The following AK6 variants were observed in gnomAD, a reference collection of about 807,000 sequenced individuals.
AK6 encodes adenylate kinase isoenzyme 6.
In AK6, 24 loss-of-function variants were observed where a neutral mutation model predicts 23.7. That is an observed-to-expected ratio of 1.01 (90% CI 0.73 to 1.43). AK6 has a LOEUF of 1.43. Among genes scored for constraint, AK6 ranks in the 40% most tolerant of loss-of-function variants. The probability of loss-of-function intolerance (pLI) is 0.00; values close to 1 mark genes in which losing one functional copy is unlikely to be tolerated. For missense variants in AK6, 191 were observed against 199.1 expected, an observed-to-expected ratio of 0.96 and a Z score of 0.24; for synonymous variants, 73 against 69.8, an observed-to-expected ratio of 1.05 and a Z score of -0.23.
At position 69,355,566 on chromosome 5, in the gene AK6, C is replaced by A. The variant is rs562833126; in HGVS notation, c.326+83G>T. The A allele has an allele frequency of 3.6e-6, 5 of 1,383,960 alleles. No homozygotes were observed. The African/African-American group carries it at 7.3e-5, about 20-fold the overall frequency. 85.7% of individuals were successfully genotyped at this position (1,383,960 alleles called of 1,614,324 possible). A position where few individuals can be genotyped will look rare whatever the true frequency, so the allele number is the denominator to read the frequency against. On this transcript the variant is annotated intron_variant, in intron 4 of 4. Transcript: ENST00000380822. ...CAAAACAAAACAAAACAAACAACAA[C>A]AATCTTTTATCATGGCCAATTTCAG...
chr5:69,369,342 G>T, intron 1 of AK6, 121 bp downstream of exon 1: 1 of 1,086,198 alleles, frequency 9.2e-7, no homozygotes. Context: ...CAACCGCCTC[G>T]TGGCCCTCGG....
chr5:69,355,949 T>A lies in AK6; in HGVS notation c.126A>T (p.Gln42His), dbSNP rs374785925. The A allele has an allele frequency of 3.1e-6, 5 of 1,603,906 alleles. No individual in the cohort carries two copies. Among genetic ancestry groups the A allele is most frequent in the Non-Finnish European group, 4.2e-6 (5 of 1,177,286 alleles). Residue 42 changes from glutamine to histidine, a missense_variant, in exon 3 of 5, where the codon CAA (glutamine) becomes CAT (histidine). Coordinates refer to ENST00000380822, the MANE Select transcript of AK6 (RefSeq NM_016283.5). ...ACTCTTCATCATAGCCATCATACAA[T>A]TGCTCTAAAAGAGATTTAGAATTGC... is the stretch of plus-strand genomic sequence containing the variant. ...INVGDLAREE[Q>H]LYDGYDEEYD...
rs1561218339 is a variant in AK6, at chr5:69,363,335, C to T, written c.121+3168G>A. Reference sequence around the variant, plus strand: ...TCTGGTGTCACCATTGCTCTCAATGCTATTAATGCTCTAATTAGTTTAGAA... The same window carrying T: ...TCTGGTGTCACCATTGCTCTCAATGTTATTAATGCTCTAATTAGTTTAGAA... On this transcript the variant is annotated intron_variant, in intron 2 of 4. Transcript: ENST00000380822. Among the ~76,000 whole-genome samples, 4 of 152,226 alleles carry T rather than the reference C, an allele frequency of 2.6e-5. No homozygotes were observed. The East Asian group carries it at 5.8e-4, about 22-fold the overall frequency.
chr5:69,363,602 G>T (rs1406228214), intron 2 of AK6, among the ~76,000 whole-genome samples: 1 of 151,936 alleles, frequency 6.6e-6, no homozygotes, highest in African/African-American at 2.4e-5. Context: ...GGTTAACACG[G>T]TGAAACCCCG....
At position 69,369,517 on chromosome 5, in the gene AK6, C is replaced by T; in HGVS notation, c.-27G>A. 2.5e-6 allele frequency: 4 copies of T among 1,611,326 alleles called. No homozygotes were observed. Among genetic ancestry groups the T allele is most frequent in the Non-Finnish European group, 2.5e-6 (3 of 1,179,238 alleles). On this transcript the variant is annotated 5_prime_UTR_variant, in exon 1 of 5. Transcript: ENST00000380822. ...GTCCCCGCCGCGACGGCTTCGGGCGCCTCGCTCACGTGCCCTTTGCTCTAC... is the reference window on the plus strand; with the variant it reads ...GTCCCCGCCGCGACGGCTTCGGGCGTCTCGCTCACGTGCCCTTTGCTCTAC...
At position 69,369,460 on chromosome 5, in the gene AK6, G is replaced by C. The variant is rs780634017; in HGVS notation, c.28+3C>G. The C allele has an allele frequency of 3.1e-6, 5 of 1,610,214 alleles. No individual in the cohort carries two copies. The highest frequency in any genetic ancestry group is 2.7e-5 in the African/African-American group (2 of 74,564). ...CCAGTCCCTCCCGGCCGCGCGCCCTGACCGGTGAGCAGGATGTTCGGAAGC... is the reference window on the plus strand; with the variant it reads ...CCAGTCCCTCCCGGCCGCGCGCCCTCACCGGTGAGCAGGATGTTCGGAAGC... On this transcript the variant is annotated splice_donor_region_variant and intron_variant, in intron 1 of 4. Coordinates refer to ENST00000380822, the MANE Select transcript of AK6 (RefSeq NM_016283.5).
chr5:69,360,429 G>A (rs1404832522), intron 2 of AK6, among the ~76,000 whole-genome samples: 1 of 152,158 alleles, frequency 6.6e-6, no homozygotes, highest in African/African-American at 2.4e-5. Flanking sequence ...TGCTTTCAGA[G>A]CACGTGCTTT....
chr5:69,369,237 C>CCCCCCCCCCA, intron 1 of AK6: 1 of 57,224 alleles, frequency 1.7e-5, no homozygotes, highest in Non-Finnish European at 5.2e-5. Flanking sequence ...CCCCCCCCCG[C>CCCCCCCCCCA]CCCCCCCCGG....
At chr5:69,369,176 A>G (rs1762700907) in intron 1 of AK6, 1 of 491,120 alleles carries the variant, frequency 2.0e-6, no homozygotes, top group Admixed American at 4.2e-5. Context: ...AGATTCAGAA[A>G]GACTAAGCAG....
At chr5:69,367,279 G>C (rs776156709) in intron 1 of AK6, among the ~76,000 whole-genome samples, 1 of 151,668 alleles carries the variant, frequency 6.6e-6, no homozygotes, top group Non-Finnish European at 1.5e-5. Context: ...TTGGGAGGCC[G>C]AGGCGGGCAG....
chr5:69,369,276 G>T, intron 1 of AK6, 187 bp downstream of exon 1: 1 of 106,092 alleles, frequency 9.4e-6, no homozygotes, highest in Non-Finnish European at 1.6e-5. Flanking sequence ...TTAACGTTCC[G>T]CGTCCCCTCC....
rs528727741 is a variant in AK6, at chr5:69,361,688, T to C, written c.121+4815A>G. ...GGTGTGATCTCGGGTCACCGCAGCC[T>C]CCGCCTAACGGGTTCAAGTGATTCT... On this transcript the variant is annotated intron_variant, in intron 2 of 4. Transcript: ENST00000380822. Among the ~76,000 whole-genome samples the C allele has an allele frequency of 4.0e-5, 6 of 151,386 alleles. No homozygotes were observed. In the South Asian group the frequency reaches 1.0e-3, roughly 26 times the overall value.
intron 4 of AK6, among the ~76,000 whole-genome samples, chr5:69,354,168 T>C (rs2150729419): frequency 6.6e-6 from 1 of 152,286 alleles, no homozygotes; most frequent in South Asian, 2.1e-4. Flanking sequence ...TCATAGTTTT[T>C]TCATACCTTA....
At position 69,351,895 on chromosome 5, in the gene AK6, T is replaced by C. The variant is rs923658808; in HGVS notation, c.*166A>G. On this transcript the variant is annotated 3_prime_UTR_variant, in exon 5 of 5. Transcript: ENST00000380822. ...AATACTATATTCATTATATTTCATG[T>C]TTAGCTTTCTCATGGAGAAAAAGAA... 9.1e-6 allele frequency: 4 copies of C among 440,420 alleles called. No homozygotes were observed. Among genetic ancestry groups the C allele is most frequent in the Non-Finnish European group, 1.2e-5 (3 of 255,956 alleles). 27.3% of individuals were successfully genotyped at this position (440,420 alleles called of 1,614,324 possible).
intron 2 of AK6, among the ~76,000 whole-genome samples, chr5:69,357,047 A>G (rs1452517818): frequency 2.0e-5 from 3 of 152,210 alleles, no homozygotes; most frequent in Non-Finnish European, 2.9e-5. Context: ...AGAGCATGTT[A>G]TATAGCAGTC....
At chr5:69,361,582 GCACC>G (rs1296393124) in intron 2 of AK6, among the ~76,000 whole-genome samples, 1 of 151,454 alleles carries the variant, frequency 6.6e-6, no homozygotes, top group Non-Finnish European at 1.5e-5. Flanking sequence ...GGGATTACAG[GCACC>G]CTCAGCAACG....
At chr5:69,363,600 C>T (rs1013132602) in intron 2 of AK6, among the ~76,000 whole-genome samples, 30 of 152,038 alleles carry the variant, frequency 2.0e-4, no homozygotes, top group African/African-American at 6.5e-4. Flanking sequence ...CTGGTTAACA[C>T]GGTGAAACCC....
intron 1 of AK6, chr5:69,369,158 G>A: frequency 2.1e-6 from 1 of 471,426 alleles, no homozygotes; most frequent in Non-Finnish European, 3.7e-6. Context: ...TTTTACAAAC[G>A]AAATACCAGA....
chr5:69,363,681 G>A (rs953872510), intron 2 of AK6, among the ~76,000 whole-genome samples: 1 of 152,142 alleles, frequency 6.6e-6, no homozygotes, highest in Non-Finnish European at 1.5e-5. Flanking sequence ...CTACTTGGGA[G>A]GCTGAGGCAG....
Sources: allele counts gnomAD v4.1 joint callset (sites outside exome capture counted in the v4.1 genomes callset), GRCh38; gene constraint gnomAD v4.1.1; transcripts MANE v1.5; gene names NCBI Gene and HGNC (gene_info 2026-07-23, HGNC 2026-07-21).